Variants in SLC35E4 observed in about 807,000 individuals in gnomAD.
SLC35E4 encodes solute carrier family 35 member E4, also known as solute carrier family 35, member E4.
A neutral mutation model predicts 19.3 loss-of-function variants in SLC35E4; 15 were observed. That is an observed-to-expected ratio of 0.78 (90% CI 0.52 to 1.20). The LOEUF (loss-of-function observed/expected upper bound fraction) is 1.20. Among genes scored for constraint, SLC35E4 ranks in the 50% most tolerant of loss-of-function variants. The pLI is 0.00. For missense variants in SLC35E4, 406 were observed against 472.3 expected, an observed-to-expected ratio of 0.86 and a Z score of 1.30; for synonymous variants, 219 against 219.9, an observed-to-expected ratio of 1.00 and a Z score of 0.04.
At chr22:30,649,715 G>A (rs1179433937), downstream of SLC35E4, among the ~76,000 whole-genome samples, 1 of 149,696 alleles carries the variant, frequency 6.7e-6, no homozygotes, top group Non-Finnish European at 1.5e-5. Flanking sequence ...AGGGATGGAT[G>A]GCTGTGGTCA....
chr22:30,660,436 T>G (rs2088433735), intron 2 of SLC35E4, among the ~76,000 whole-genome samples: 1 of 151,992 alleles, frequency 6.6e-6, no homozygotes, highest in Non-Finnish European at 1.5e-5. Flanking sequence ...CCCCAACAAA[T>G]AGCTGGGACT....
At chr22:30,642,784 C>T (rs1343169652) in intron 1 of SLC35E4, among the ~76,000 whole-genome samples, 1 of 149,612 alleles carries the variant, frequency 6.7e-6, no homozygotes, top group Non-Finnish European at 1.5e-5. Flanking sequence ...AATCCCAGCA[C>T]TTTGGGAGGC....
downstream of SLC35E4, among the ~76,000 whole-genome samples, chr22:30,648,389 ACCT>A (rs2145584332): frequency 6.6e-6 from 1 of 151,642 alleles, no homozygotes; most frequent in East Asian, 1.9e-4. Flanking sequence ...TCCTACAACA[ACCT>A]CCTCCCTTCC....
At chr22:30,638,554 G>C (rs2087987302) in intron 1 of SLC35E4, among the ~76,000 whole-genome samples, 1 of 149,166 alleles carries the variant, frequency 6.7e-6, no homozygotes, top group South Asian at 2.1e-4. Context: ...GCTCACAGCT[G>C]TAATCCCAGC....
At chr22:30,641,602 G>T (rs1400146462) in intron 1 of SLC35E4, among the ~76,000 whole-genome samples, 1 of 151,402 alleles carries the variant, frequency 6.6e-6, no homozygotes, top group Non-Finnish European at 1.5e-5. Flanking sequence ...CTGGAATGCA[G>T]CAGTGCAATC....
At chr22:30,658,497 A>G (rs2088392990) in intron 2 of SLC35E4, among the ~76,000 whole-genome samples, 1 of 152,036 alleles carries the variant, frequency 6.6e-6, no homozygotes, top group African/African-American at 2.4e-5. Context: ...TCTGAAAAGT[A>G]GAAGAGGGGA....
intron 2 of SLC35E4, chr22:30,654,336 C>T (rs533765392): frequency 2.6e-5 from 12 of 463,728 alleles, no homozygotes; most frequent in South Asian, 1.5e-4. Flanking sequence ...TCTCCTTCCT[C>T]TTCTCCTCCA....
At position 30,647,793 on chromosome 22, in the gene SLC35E4, G is replaced by A. The variant is rs995351551; in HGVS notation, c.*762G>A. ...CTATGCTGCTGGGCTCCCCTAGGGAGTTGGGGTAGTCTGTGCCAACTCCAG... is the reference window on the plus strand; with the variant it reads ...CTATGCTGCTGGGCTCCCCTAGGGAATTGGGGTAGTCTGTGCCAACTCCAG... On this transcript the variant is annotated 3_prime_UTR_variant, in exon 2 of 2. Coordinates refer to ENST00000343605, the MANE Select transcript of SLC35E4 (RefSeq NM_001001479.4). 6.6e-6 allele frequency: 1 copy of A among 152,184 alleles called. No individual in the cohort carries two copies. Among genetic ancestry groups the A allele is most frequent in the African/African-American group, 2.4e-5 (1 of 41,420 alleles). 9.4% of individuals were successfully genotyped at this position (152,184 alleles called of 1,614,324 possible).
chr22:30,636,827 T>G lies in SLC35E4; in HGVS notation c.377T>G (p.Val126Gly). 6.2e-7 allele frequency: 1 copy of G among 1,612,988 alleles called. No homozygotes were observed. Residue 126 changes from valine (V) to glycine (G), a missense_variant, in exon 1 of 2, where the codon GTG becomes GGG. By Grantham distance (109) the Val-to-Gly change is moderately radical. Transcript: ENST00000343605. Reference protein sequence around the residue: ...TFGTSMACGNVGLRAVPLDLA... With the variant: ...TFGTSMACGNGGLRAVPLDLA... Reference sequence around the variant, plus strand: ...GGCACGTCCATGGCCTGCGGCAACGTGGGCCTAAGGGCTGTGCCCCTGGAC... The same window carrying G: ...GGCACGTCCATGGCCTGCGGCAACGGGGGCCTAAGGGCTGTGCCCCTGGAC...
chr22:30,655,308 A>G (rs188018542), intron 2 of SLC35E4, among the ~76,000 whole-genome samples: 3,274 of 148,146 alleles, frequency 0.022, 112 homozygotes, highest in African/African-American at 0.076. Context: ...AAAAAAAAAA[A>G]TAGCCAAGTA....
downstream of SLC35E4, among the ~76,000 whole-genome samples, chr22:30,651,511 CT>C (rs1191426519): frequency 7.2e-6 from 1 of 139,750 alleles, no homozygotes; most frequent in East Asian, 2.1e-4. Context: ...AACTCCTGAC[CT>C]CAAGAAATCC....
downstream of SLC35E4, chr22:30,663,702 A>C (rs768947169): frequency 6.8e-5 from 109 of 1,614,128 alleles, no homozygotes; most frequent in Non-Finnish European, 9.2e-5. Flanking sequence ...ACAGTGCAGC[A>C]AAGTACGGCC....
chr22:30,640,458 A>G (rs752549706), intron 1 of SLC35E4, among the ~76,000 whole-genome samples: 21 of 152,110 alleles, frequency 1.4e-4, no homozygotes, highest in Admixed American at 4.6e-4. Context: ...AGCATGGTCT[A>G]TGTGACTCCA....
intron 1 of SLC35E4, among the ~76,000 whole-genome samples, chr22:30,640,120 G>A (rs998036978): frequency 1.3e-5 from 2 of 152,124 alleles, no homozygotes; most frequent in African/African-American, 2.4e-5. Context: ...CTCCGTTTGG[G>A]GTCCCTGACT....
At chr22:30,638,890 C>G (rs1017581723) in intron 1 of SLC35E4, among the ~76,000 whole-genome samples, 5 of 151,830 alleles carry the variant, frequency 3.3e-5, no homozygotes, top group African/African-American at 1.2e-4. Context: ...TCCTTGAACC[C>G]GGGAGAAGGA....
In SLC35E4 at chr22:30,655,865, T is replaced by G. The variant is rs139252628; in HGVS notation, c.*9-6195T>G. Among the ~76,000 whole-genome samples the G allele has an allele frequency of 4.9e-3, 749 of 152,114 alleles. 7 individuals carry two copies. Among genetic ancestry groups the G allele is most frequent in the African/African-American group, 0.016 (685 of 41,522 alleles). On this transcript the variant is annotated intron_variant, in intron 2 of 2. Transcript: ENST00000406566. ...GGATGAGAATCCACACCTCTTAACA[T>G]TCCTCCCAAGCTCCTTCTTAGGTGA...
chr22:30,649,865 G>A (rs770286041), downstream of SLC35E4, among the ~76,000 whole-genome samples: 3 of 149,606 alleles, frequency 2.0e-5, no homozygotes, highest in Non-Finnish European at 4.4e-5. Flanking sequence ...ATTAAAGCCT[G>A]CCCCTGGTGG....
chr22:30,652,402 CTAA>C (rs751730535), downstream of SLC35E4: 11 of 152,270 alleles, frequency 7.2e-5, no homozygotes, highest in Non-Finnish European at 1.5e-4. Flanking sequence ...AATCTTGTGG[CTAA>C]TGTTAGTCCT....
Position 30,643,629 on chromosome 22 carries a change from A to ACACAGGGC in SLC35E4, c.620-2968_620-2961dup, listed in dbSNP as rs1368019232. Among the ~76,000 whole-genome samples the ACACAGGGC allele has an allele frequency of 2.0e-5, 3 of 152,064 alleles. No individual in the cohort carries two copies. In the East Asian group the frequency reaches 5.8e-4, roughly 29 times the overall value. On this transcript the variant is annotated intron_variant, in intron 1 of 1. Coordinates refer to ENST00000343605, the MANE Select transcript of SLC35E4 (RefSeq NM_001001479.4). ...GGGGTGAGCCGGCATCAAGGACATCACACAGGGCATCAGGCCCTGTGTTCA... is the reference window on the plus strand; with the variant it reads ...GGGGTGAGCCGGCATCAAGGACATCACACAGGGCCACAGGGCATCAGGCCCTGTGTTCA...
Sources: gnomAD v4.1 joint callset for allele counts (sites outside exome capture counted in the v4.1 genomes callset) on GRCh38, gnomAD v4.1.1 for gene constraint, MANE v1.5 for transcripts, NCBI Gene and HGNC (gene_info 2026-07-23, HGNC 2026-07-21) for gene names.